Variants in GPD2 observed in about 807,000 individuals in gnomAD.
The protein encoded by GPD2 is glycerol-3-phosphate dehydrogenase, mitochondrial.
GPD2 carries 54 observed loss-of-function variants against 82.4 expected under a neutral mutation model. The ratio of observed to expected loss-of-function variants is 0.66; its 90% CI spans 0.53 to 0.82. The LOEUF is 0.82. GPD2 is among the 40% of genes least tolerant of loss of function. GPD2 has a pLI of 0.00. For missense variants in GPD2, 748 were observed against 896.2 expected (o/e 0.83, Z 2.11); for synonymous variants, 288 against 306.1 (o/e 0.94, Z 0.62).
At chr2:156,401,458 T>C in the GPD2 span, among the ~76,000 whole-genome samples, 1 of 152,368 alleles carries the variant, frequency 6.6e-6, no homozygotes. Flanking sequence ...TTTTGTCATG[T>C]ATGCACAGGA....
intron 2 of GPD2, among the ~76,000 whole-genome samples, chr2:156,489,698 TCC>T (rs1684084945): frequency 1.0e-4 from 11 of 105,904 alleles, no homozygotes; most frequent in Admixed American, 8.9e-4. Flanking sequence ...CTTCCTTCCT[TCC>T]TTCCTTCCTT....
chr2:156,456,738 G>A (rs1351900398), intron 1 of GPD2, among the ~76,000 whole-genome samples: 2 of 152,170 alleles, frequency 1.3e-5, no homozygotes, highest in African/African-American at 4.8e-5. Flanking sequence ...GGGGGCAGGA[G>A]TGAGTCACTC....
At position 156,520,635 on chromosome 2, in the gene GPD2, G is replaced by A. The variant is rs184095480; in HGVS notation, c.661+7139G>A. ...GAGTCTCACTCTGTCGCTCAAGCAG[G>A]GTCCAGTGGCACGATCTTGGCTTAT... On this transcript the variant is annotated intron_variant, in intron 6 of 16. Coordinates refer to ENST00000438166, the MANE Select transcript of GPD2 (RefSeq NM_000408.5). Among the ~76,000 whole-genome samples the A allele has an allele frequency of 3.4e-3, 515 of 150,716 alleles. 6 individuals carry two copies. The highest frequency in any genetic ancestry group is 3.3e-3 in the Non-Finnish European group (225 of 67,740).
chr2:156,484,473 C>T (rs977649644), intron 2 of GPD2, among the ~76,000 whole-genome samples: 1 of 151,942 alleles, frequency 6.6e-6, no homozygotes. Flanking sequence ...GCTATAAAAA[C>T]GAATGTTCCT....
intron 6 of GPD2, among the ~76,000 whole-genome samples, chr2:156,542,668 A>G (rs548408661): frequency 2.6e-4 from 40 of 152,326 alleles, no homozygotes; most frequent in South Asian, 1.9e-3. Flanking sequence ...CTAGTTCTTT[A>G]TATTTTATAT....
chr2:156,447,103 T>A (rs533656031), intron 1 of GPD2, among the ~76,000 whole-genome samples: 4 of 152,330 alleles, frequency 2.6e-5, no homozygotes, highest in African/African-American at 9.6e-5. Context: ...GATGCTGAGA[T>A]GCATTTCAAA....
At chr2:156,578,053 A>C (rs1687889587) in intron 13 of GPD2, among the ~76,000 whole-genome samples, 1 of 152,196 alleles carries the variant, frequency 6.6e-6, no homozygotes, top group Admixed American at 6.5e-5. Context: ...TATATGAGGA[A>C]AGAGATTTGT....
intron 1 of GPD2, among the ~76,000 whole-genome samples, chr2:156,452,282 C>G (rs376690475): frequency 3.3e-5 from 5 of 152,320 alleles, no homozygotes; most frequent in East Asian, 3.9e-4. Flanking sequence ...CTGAGTGAAC[C>G]AGACTCCGTC....
intron 3 of GPD2, among the ~76,000 whole-genome samples, chr2:156,500,047 A>T (rs1236427240): frequency 6.6e-6 from 1 of 152,120 alleles, no homozygotes. Flanking sequence ...GGTGGTGATG[A>T]TAAGGATGAC....
At chr2:156,451,776 G>C (rs1466197769) in intron 1 of GPD2, among the ~76,000 whole-genome samples, 2 of 151,778 alleles carry the variant, frequency 1.3e-5, no homozygotes, top group African/African-American at 4.8e-5. Flanking sequence ...AGACAGGGTG[G>C]CTGCCGGGCG....
intron 2 of GPD2, among the ~76,000 whole-genome samples, chr2:156,493,957 T>TGTGTGTGTGC (rs1170487260): frequency 2.3e-5 from 3 of 127,676 alleles, no homozygotes; most frequent in African/African-American, 8.1e-5. Flanking sequence ...TGTGTGTGTG[T>TGTGTGTGTGC]GTATAATTTT....
At chr2:156,563,839 C>A (rs1687263294) in intron 9 of GPD2, among the ~76,000 whole-genome samples, 2 of 152,058 alleles carry the variant, frequency 1.3e-5, no homozygotes, top group African/African-American at 4.8e-5. Context: ...ATATGATAGC[C>A]ATCAGCCACT....
At chr2:156,446,122 A>C (rs1682360556) in intron 1 of GPD2, among the ~76,000 whole-genome samples, 1 of 151,948 alleles carries the variant, frequency 6.6e-6, no homozygotes, top group African/African-American at 2.4e-5. Context: ...TTTTGAGATG[A>C]GTCTCGCTCT....
the GPD2 span, among the ~76,000 whole-genome samples, chr2:156,426,039 T>C: frequency 4.4e-3 from 666 of 151,980 alleles, 5 homozygotes; most frequent in South Asian, 0.025. Flanking sequence ...TCTCCTGCCT[T>C]AGCCTCCCCG....
intron 1 of GPD2, among the ~76,000 whole-genome samples, chr2:156,466,479 G>A (rs1250740898): frequency 6.6e-6 from 1 of 152,142 alleles, no homozygotes; most frequent in African/African-American, 2.4e-5. Flanking sequence ...TGTGACTATA[G>A]TTCCAGTGTG....
chr2:156,559,614 T>G (rs1687093733), intron 9 of GPD2, among the ~76,000 whole-genome samples: 2 of 152,202 alleles, frequency 1.3e-5, no homozygotes, highest in African/African-American at 4.8e-5. Context: ...CTAGTTTAAT[T>G]GACTAATCCA....
At chr2:156,450,453 G>A (rs1682515653) in intron 1 of GPD2, among the ~76,000 whole-genome samples, 1 of 152,084 alleles carries the variant, frequency 6.6e-6, no homozygotes, top group African/African-American at 2.4e-5. Context: ...CCAGTGGGAT[G>A]GGATGGAAAG....
the GPD2 span, among the ~76,000 whole-genome samples, chr2:156,401,195 T>G: frequency 6.6e-6 from 1 of 152,180 alleles, no homozygotes; most frequent in African/African-American, 2.4e-5. Context: ...CAGGCGAGAA[T>G]TCTACCACTG....
At chr2:156,581,260 CT>C (rs945018436) in intron 16 of GPD2, among the ~76,000 whole-genome samples, 2 of 152,038 alleles carry the variant, frequency 1.3e-5, no homozygotes, top group Admixed American at 1.3e-4. Flanking sequence ...TGATTTTCAA[CT>C]TTAAAATGCT....
Sources: allele counts gnomAD v4.1 joint callset (sites outside exome capture counted in the v4.1 genomes callset), GRCh38; gene constraint gnomAD v4.1.1; transcripts MANE v1.5; gene names NCBI Gene and HGNC (gene_info 2026-07-23, HGNC 2026-07-21).